CFAP161: variants seen among roughly 807,000 people sequenced by gnomAD.
CFAP161 encodes the protein cilia and flagella associated protein 161.
CFAP161 carries 25 observed loss-of-function variants against 29.0 expected under a neutral mutation model. The observed-to-expected ratio is 0.86, with a 90% CI of 0.63 to 1.20. The LOEUF is 1.20. CFAP161 is among the 50% of genes most tolerant of loss of function. The pLI is 0.00. For synonymous variants in CFAP161, 116 were observed against 137.4 expected, an observed-to-expected ratio of 0.84 and a Z score of 1.09; for missense variants, 367 against 371.9, an observed-to-expected ratio of 0.99 and a Z score of 0.11.
At chr15:81,132,305 G>GGTA (rs1372244159), upstream of CFAP161, among the ~76,000 whole-genome samples, 1 of 152,038 alleles carries the variant, frequency 6.6e-6, no homozygotes, top group African/African-American at 2.4e-5. Context: ...GGAGTCCAGA[G>GGTA]GTAGTAGGAT....
chr15:81,119,500 T>C (rs1406740818), intron 1 of CFAP161, among the ~76,000 whole-genome samples: 2 of 152,180 alleles, frequency 1.3e-5, no homozygotes, highest in Non-Finnish European at 2.9e-5. Flanking sequence ...TAACGTTATA[T>C]AATTTTTGAA....
At chr15:81,111,409 C>T (rs566432273) in intron 1 of CFAP161, among the ~76,000 whole-genome samples, 7 of 152,334 alleles carry the variant, frequency 4.6e-5, no homozygotes, top group African/African-American at 9.6e-5. Flanking sequence ...TCCTTATCCC[C>T]GCTGCCACTG....
intron 4 of CFAP161, among the ~76,000 whole-genome samples, chr15:81,140,607 G>A (rs986831227): frequency 2.0e-5 from 3 of 150,998 alleles, no homozygotes; most frequent in Admixed American, 6.6e-5. Context: ...CACTTAGGCT[G>A]GAGTACAGTG....
intron 1 of CFAP161, among the ~76,000 whole-genome samples, chr15:81,112,141 G>A (rs1894445926): frequency 6.6e-6 from 1 of 151,760 alleles, no homozygotes; most frequent in Non-Finnish European, 1.5e-5. Context: ...TGAAGATGCT[G>A]AGGCTCAGAG....
At chr15:81,138,611 A>C (rs1182553018) in intron 4 of CFAP161, among the ~76,000 whole-genome samples, 2 of 152,158 alleles carry the variant, frequency 1.3e-5, no homozygotes, top group Non-Finnish European at 2.9e-5. Context: ...GGGGATTAGG[A>C]AGTATAATAG....
At chr15:81,145,347 A>G (rs956510747) in intron 5 of CFAP161, among the ~76,000 whole-genome samples, 1 of 152,292 alleles carries the variant, frequency 6.6e-6, no homozygotes. Flanking sequence ...CACAATTTAA[A>G]CTGCCAGTGC....
intron 5 of CFAP161, 147 bp from the exon 6 acceptor site, chr15:81,147,711 T>A: frequency 5.6e-6 from 3 of 537,158 alleles, no homozygotes; most frequent in Non-Finnish European, 6.5e-6. Flanking sequence ...AAGTGGCACA[T>A]GACTGTGAAT....
At chr15:81,148,059 C>T (rs1895040184) in intron 6 of CFAP161, 128 bp downstream of exon 6, 2 of 757,140 alleles carry the variant, frequency 2.6e-6, no homozygotes, top group East Asian at 2.7e-5. Context: ...GAAATACCGC[C>T]ACATAGAACT....
At chr15:81,132,502 G>GA (rs904407210), upstream of CFAP161, among the ~76,000 whole-genome samples, 109 of 152,228 alleles carry the variant, frequency 7.2e-4, no homozygotes, top group African/African-American at 2.5e-3. Context: ...TGTGTTCATA[G>GA]AAAAATACCA....
Position 81,138,051 on chromosome 15 carries a change from T to G in CFAP161, c.393T>G (p.Ser131Arg). ...PIGRNTFIIL[S>R]VHRDATGQVL... ...CATTATACTTATTGTCCACTGACAG[T>G]GTACACAGAGATGCCACTGGTCAAG... The change falls in exon 4 of 7, where the codon AGT becomes AGG. Residue 131 changes from serine (S) to arginine (R), a missense_variant and splice_region_variant. Transcript: ENST00000286732. 6.2e-7 allele frequency: 1 copy of G among 1,600,454 alleles called. No homozygotes were observed.
intron 4 of CFAP161, among the ~76,000 whole-genome samples, chr15:81,139,989 A>G (rs1465842497): frequency 1.3e-5 from 2 of 152,050 alleles, no homozygotes; most frequent in East Asian, 3.9e-4. Context: ...TACTACTTGT[A>G]ATTTCTCCTA....
intron 6 of CFAP161, 130 bp downstream of exon 6, chr15:81,148,061 C>CAT: frequency 1.3e-6 from 1 of 747,750 alleles, no homozygotes; most frequent in Non-Finnish European, 2.1e-6. Context: ...AATACCGCCA[C>CAT]ATAGAACTTC....
chr15:81,124,148 C>T (rs1894610704), intron 1 of CFAP161, among the ~76,000 whole-genome samples: 1 of 152,122 alleles, frequency 6.6e-6, no homozygotes, highest in Non-Finnish European at 1.5e-5. Context: ...CAGTATTCCC[C>T]TTTCAGTATG....
intron 1 of CFAP161, among the ~76,000 whole-genome samples, chr15:81,107,215 C>A (rs115421090): frequency 6.6e-6 from 1 of 152,150 alleles, no homozygotes; most frequent in Non-Finnish European, 1.5e-5. Context: ...TAGTATTTAC[C>A]GAGTACTCAC....
chr15:81,139,842 G>T (rs560431665), intron 4 of CFAP161, among the ~76,000 whole-genome samples: 1 of 152,074 alleles, frequency 6.6e-6, no homozygotes, highest in African/African-American at 2.4e-5. Flanking sequence ...TTGTAATGGG[G>T]TGTACCAATT....
Position 81,115,512 on chromosome 15 carries a change from T to C in CFAP161, c.-141-12078T>C, listed in dbSNP as rs576257251. 9.1e-4 allele frequency among the ~76,000 whole-genome samples: 138 copies of C among 152,316 alleles called. 1 individual carries two copies. The Middle Eastern group carries it at 0.01, about 11-fold the overall frequency. On this transcript the variant is annotated intron_variant, in intron 1 of 4. Transcript: ENST00000560091. ...AGTCTGCTAGAATCCATTACTAAGCTCAATTTTGCAATTATGTCAAAGTGC... is the reference window on the plus strand; with the variant it reads ...AGTCTGCTAGAATCCATTACTAAGCCCAATTTTGCAATTATGTCAAAGTGC...
At chr15:81,103,068 A>G (rs1485354693) in intron 1 of CFAP161, among the ~76,000 whole-genome samples, 1 of 30,354 alleles carries the variant, frequency 3.3e-5, no homozygotes, top group East Asian at 4.3e-4. Flanking sequence ...GAGGAAGCAC[A>G]TGATGATGAT....
At chr15:81,106,341 G>C (rs12591131) in intron 1 of CFAP161, among the ~76,000 whole-genome samples, 13,576 of 152,202 alleles carry the variant, frequency 0.089, 1,699 homozygotes, top group African/African-American at 0.28. Context: ...AATTTAATAG[G>C]CTTCCGACAT....
intron 1 of CFAP161, among the ~76,000 whole-genome samples, chr15:81,122,824 G>T (rs1894592466): frequency 6.6e-6 from 1 of 151,912 alleles, no homozygotes; most frequent in African/African-American, 2.4e-5. Context: ...TTGTTGGCCT[G>T]ATGTATATCT....
Sources: gnomAD v4.1 joint callset for allele counts (sites outside exome capture counted in the v4.1 genomes callset) on GRCh38, gnomAD v4.1.1 for gene constraint, MANE v1.5 for transcripts, NCBI Gene and HGNC (gene_info 2026-07-23, HGNC 2026-07-21) for gene names.